Variants in RNF38 observed in about 807,000 individuals in gnomAD.
The protein encoded by RNF38 is E3 ubiquitin-protein ligase RNF38.
In RNF38, 15 loss-of-function variants were observed where a neutral mutation model predicts 67.2. The ratio of observed to expected loss-of-function variants is 0.22; its 90% CI spans 0.15 to 0.34. The LOEUF (loss-of-function observed/expected upper bound fraction) is 0.34. Ranked by LOEUF, RNF38 falls within the 10% of genes least tolerant of loss-of-function variation. The pLI, the probability that RNF38 is intolerant of heterozygous loss-of-function variation, is 1.00. For missense variants in RNF38, 524 were observed against 639.9 expected (o/e 0.82, Z 1.95); for synonymous variants, 220 against 218.8 (o/e 1.01, Z -0.05).
rs149661091 is a variant in RNF38, at chr9:36,336,981, G to A, written c.*2771C>T. The A allele has an allele frequency of 6.5e-4, 99 of 151,866 alleles. 1 individual carries two copies. The highest frequency in any genetic ancestry group is 2.3e-3 in the African/African-American group (95 of 41,382). 9.4% of individuals were successfully genotyped at this position (151,866 alleles called of 1,614,324 possible). Reference sequence around the variant, plus strand: ...GAGGCCTTATTTTTTTGAGGGGCTGGGGGTTAAAAAAACACCAAAGATGAC... The same window carrying A: ...GAGGCCTTATTTTTTTGAGGGGCTGAGGGTTAAAAAAACACCAAAGATGAC... On this transcript the variant is annotated 3_prime_UTR_variant, in exon 12 of 12. Transcript: ENST00000259605.
At chr9:36,458,498 C>T (rs986704049) in intron 1 of RNF38, among the ~76,000 whole-genome samples, 2 of 152,170 alleles carry the variant, frequency 1.3e-5, no homozygotes, top group Non-Finnish European at 2.9e-5. Flanking sequence ...ACACCACAAG[C>T]GTCCGCGGCT....
chr9:36,339,742 C>T lies in RNF38; in HGVS notation c.*10G>A, dbSNP rs571616511. 6 of 1,609,982 alleles carry T rather than the reference C, an allele frequency of 3.7e-6. No individual in the cohort carries two copies. Among genetic ancestry groups the T allele is most frequent in the Middle Eastern group, 1.7e-4 (1 of 6,054 alleles). On this transcript the variant is annotated 3_prime_UTR_variant, in exon 12 of 12. Transcript: ENST00000259605. ...GAACACCCAAACTAAATTTGTGCTT[C>T]TTAGGTTGGTCATTCTGAATCCCGA... is the stretch of plus-strand genomic sequence containing the variant.
chr9:36,353,399 T>C (rs1484120887), intron 6 of RNF38, 68 bp from the exon 7 acceptor site: 4 of 1,110,442 alleles, frequency 3.6e-6, no homozygotes, highest in Non-Finnish European at 4.8e-6. Flanking sequence ...AGATAGATTA[T>C]GCTTTATAAT....
At chr9:36,476,956 A>C (rs17840705) in intron 1 of RNF38, among the ~76,000 whole-genome samples, 7,641 of 152,226 alleles carry the variant, frequency 0.05, 596 homozygotes, top group African/African-American at 0.17. Context: ...CCATAGACGT[A>C]AATGCTAATT....
At chr9:36,411,054 TA>T (rs1197275221) in intron 2 of RNF38, among the ~76,000 whole-genome samples, 1 of 151,980 alleles carries the variant, frequency 6.6e-6, no homozygotes, top group African/African-American at 2.4e-5. Flanking sequence ...ATGTGTATTT[TA>T]TTACAGTAAA....
intron 10 of RNF38, among the ~76,000 whole-genome samples, chr9:36,344,302 A>G (rs1041684621): frequency 6.6e-6 from 1 of 152,226 alleles, no homozygotes; most frequent in Non-Finnish European, 1.5e-5. Context: ...TGTGTGAGCC[A>G]CTGCGCCCGG....
At chr9:36,393,486 T>TGTGTGTGC (rs1405954028) in intron 1 of RNF38, among the ~76,000 whole-genome samples, 24 of 135,118 alleles carry the variant, frequency 1.8e-4, no homozygotes, top group Middle Eastern at 3.7e-3. Context: ...ATTGTGTGTG[T>TGTGTGTGC]GTGTGTGTGT....
At chr9:36,412,400 TAGAG>T (rs1838348012) in intron 2 of RNF38, among the ~76,000 whole-genome samples, 1 of 152,226 alleles carries the variant, frequency 6.6e-6, no homozygotes, top group Non-Finnish European at 1.5e-5. Context: ...CAACACCTAA[TAGAG>T]AGCAGCTAAC....
intron 2 of RNF38, among the ~76,000 whole-genome samples, chr9:36,418,353 T>A (rs1838528679): frequency 6.6e-6 from 1 of 151,824 alleles, no homozygotes; most frequent in Admixed American, 6.6e-5. Context: ...AATATGTAAT[T>A]TTTAAAAATT....
chr9:36,340,718 T>TA (rs1364256342), intron 11 of RNF38, among the ~76,000 whole-genome samples: 1 of 152,214 alleles, frequency 6.6e-6, no homozygotes, highest in Non-Finnish European at 1.5e-5. Context: ...CATTTAGTGG[T>TA]ACCGAGGAAA....
chr9:36,416,674 A>G (rs1295671706), intron 2 of RNF38, among the ~76,000 whole-genome samples: 1 of 151,664 alleles, frequency 6.6e-6, no homozygotes, highest in African/African-American at 2.4e-5. Context: ...CTGGTAAGAT[A>G]AAAGTCAGAA....
chr9:36,391,865 G>A (rs1006378203), intron 1 of RNF38, among the ~76,000 whole-genome samples: 3 of 152,034 alleles, frequency 2.0e-5, no homozygotes, highest in South Asian at 2.1e-4. Flanking sequence ...CGTCCGCCTC[G>A]GCCTCCCGAA....
rs770411302 is a variant in RNF38 at position 36,376,078 on chromosome 9, A to C, written c.212T>G (p.Phe71Cys). The change falls in exon 3 of 12, where the codon TTT becomes TGT. Residue 71 changes from phenylalanine (F) to cysteine (C), a missense_variant. Phe to Cys is a radical substitution (Grantham distance 205, BLOSUM62 -2). This residue lies in a region of RNF38 where 461 missense variants were observed against 517.4 expected (regional missense o/e 0.89). Coordinates refer to ENST00000259605, the MANE Select transcript of RNF38 (RefSeq NM_022781.5). ...PKRQRLSHSV[F>C]DYTSASPAPS... ...AGCTGGTGATGCTGATGTATAATCAAAGACTGAATGAGAGAGGCGCTGTCT... is the reference window on the plus strand; with the variant it reads ...AGCTGGTGATGCTGATGTATAATCACAGACTGAATGAGAGAGGCGCTGTCT... 1.2e-5 allele frequency: 20 copies of C among 1,611,572 alleles called. No homozygotes were observed. In the Admixed American group the frequency reaches 3.4e-4, roughly 27 times the overall value.
Position 36,396,775 on chromosome 9 carries a change from T to C in RNF38, c.12+3322A>G, listed in dbSNP as rs114815890. Among the ~76,000 whole-genome samples, 1,130 of 150,972 alleles carry C rather than the reference T, an allele frequency of 7.5e-3. 14 individuals are homozygous for C. Among genetic ancestry groups the C allele is most frequent in the African/African-American group, 0.025 (1,008 of 40,666 alleles). ...TTATGGTATATAAAACATAACTTAA[T>C]AAAGCTTCTTTAAAAAAAAAAATCG... On this transcript the variant is annotated intron_variant, in intron 1 of 11. Coordinates refer to ENST00000259605, the MANE Select transcript of RNF38 (RefSeq NM_022781.5).
At chr9:36,404,597 A>G (rs1473625624), upstream of RNF38, among the ~76,000 whole-genome samples, 1 of 152,224 alleles carries the variant, frequency 6.6e-6, no homozygotes, top group Non-Finnish European at 1.5e-5. Context: ...TCTTTCAATA[A>G]TGCTTTATAG....
intron 2 of RNF38, among the ~76,000 whole-genome samples, chr9:36,381,020 GA>G (rs1445205092): frequency 6.6e-6 from 1 of 152,222 alleles, no homozygotes; most frequent in Middle Eastern, 3.2e-3. Context: ...GTGGAAAAGA[GA>G]AGGAAACGTC....
intron 2 of RNF38, among the ~76,000 whole-genome samples, chr9:36,414,325 T>C (rs1428984846): frequency 2.6e-5 from 4 of 152,188 alleles, no homozygotes; most frequent in Non-Finnish European, 5.9e-5. Context: ...CCTTGTGTTA[T>C]TGTTTTATAG....
At chr9:36,446,670 T>C (rs1394393658) in intron 1 of RNF38, among the ~76,000 whole-genome samples, 1 of 150,328 alleles carries the variant, frequency 6.7e-6, no homozygotes, top group African/African-American at 2.5e-5. Context: ...TAGCCAGGCA[T>C]GATGGCCCCC....
intron 1 of RNF38, among the ~76,000 whole-genome samples, chr9:36,436,096 A>T (rs1839060091): frequency 6.6e-6 from 1 of 152,234 alleles, no homozygotes; most frequent in South Asian, 2.1e-4. Context: ...GGCACTTAAT[A>T]TTAAGGATAG....
Sources: allele counts gnomAD v4.1 joint callset (sites outside exome capture counted in the v4.1 genomes callset), GRCh38; gene constraint gnomAD v4.1.1; regional missense constraint gnomAD v4.1.1; transcripts MANE v1.5; gene names NCBI Gene and HGNC (gene_info 2026-07-23, HGNC 2026-07-21).